SHMT1: variants seen among roughly 807,000 people sequenced by gnomAD.
SHMT1 encodes the protein serine hydroxymethyltransferase, cytosolic.
Under a neutral mutation model 49.0 loss-of-function variants are expected in SHMT1, and 45 were observed. That is an observed-to-expected ratio of 0.92 (90% CI 0.72 to 1.18). SHMT1 has a LOEUF of 1.18. Ranked by LOEUF, SHMT1 falls within the 50% of genes most tolerant of loss-of-function variation. The pLI is 0.00. For synonymous variants in SHMT1, 232 were observed against 246.6 expected, an observed-to-expected ratio of 0.94 and a Z score of 0.55; for missense variants, 541 against 612.4, an observed-to-expected ratio of 0.88 and a Z score of 1.23.
chr17:18,339,479 C>T (rs1197651054), intron 7 of SHMT1, among the ~76,000 whole-genome samples: 1 of 152,178 alleles, frequency 6.6e-6, no homozygotes, highest in Non-Finnish European at 1.5e-5. Flanking sequence ...GCTGATCCCC[C>T]TCCTATGTTC....
At chr17:18,350,863 G>T (rs1349723172) in intron 3 of SHMT1, among the ~76,000 whole-genome samples, 1 of 151,332 alleles carries the variant, frequency 6.6e-6, no homozygotes, top group African/African-American at 2.4e-5. Context: ...CTCCAGAGTA[G>T]CTGGGATTAC....
At chr17:18,335,412 C>A in intron 8 of SHMT1, 147 bp downstream of exon 8, 1 of 694,480 alleles carries the variant, frequency 1.4e-6, no homozygotes, top group Non-Finnish European at 2.6e-6. Context: ...CCAGTCTCAA[C>A]CATGCCCTAC....
intron 4 of SHMT1, 70 bp from the exon 5 acceptor site, chr17:18,347,726 G>C: frequency 6.4e-7 from 1 of 1,571,152 alleles, no homozygotes; most frequent in Admixed American, 1.7e-5. Context: ...CGGGACCTTG[G>C]CCACTAAGCC....
chr17:18,350,717 G>A (rs1439055674), intron 3 of SHMT1, among the ~76,000 whole-genome samples: 1 of 151,218 alleles, frequency 6.6e-6, no homozygotes, highest in East Asian at 1.9e-4. Flanking sequence ...AGTCATTAAC[G>A]TTAGGTCAAC....
At chr17:18,361,785 CAAAAA>C (rs754941626) in intron 1 of SHMT1, among the ~76,000 whole-genome samples, 1 of 86,526 alleles carries the variant, frequency 1.2e-5, no homozygotes, top group Non-Finnish European at 2.4e-5. Context: ...GACTCCGTCT[CAAAAA>C]AAAAAAAAAA....
chr17:18,335,761 G>A (rs554946227), intron 7 of SHMT1, 86 bp from the exon 8 acceptor site: 23 of 954,256 alleles, frequency 2.4e-5, no homozygotes, highest in South Asian at 2.2e-4. Flanking sequence ...GGCCAGGGAA[G>A]AATCAAGCAC....
At chr17:18,352,209 G>A (rs1598056844) in intron 3 of SHMT1, among the ~76,000 whole-genome samples, 1 of 148,606 alleles carries the variant, frequency 6.7e-6, no homozygotes, top group African/African-American at 2.5e-5. Flanking sequence ...GCAGTGGCGC[G>A]ATCTCGGCTC....
chr17:18,346,150 AC>A (rs1985060635), intron 5 of SHMT1, among the ~76,000 whole-genome samples: 1 of 152,218 alleles, frequency 6.6e-6, no homozygotes, highest in Non-Finnish European at 1.5e-5. Context: ...AAGGCTGAGT[AC>A]ACACAGAACC....
intron 3 of SHMT1, among the ~76,000 whole-genome samples, chr17:18,352,375 T>G (rs1278233119): frequency 6.6e-6 from 1 of 152,092 alleles, no homozygotes; most frequent in African/African-American, 2.4e-5. Context: ...CTCGATCTCC[T>G]GACCTCGTGA....
In SHMT1 at chr17:18,330,683, G is replaced by A. The variant is rs1567767675; in HGVS notation, c.1055-12C>T. On this transcript the variant is annotated splice_polypyrimidine_tract_variant and intron_variant, in intron 9 of 11. Transcript: ENST00000316694. Reference sequence around the variant, plus strand: ...GTTGTCAGAACCACCTGGAAACAAAGTTGGACATGTAGAAATGCAGGCGAA... The same window carrying A: ...GTTGTCAGAACCACCTGGAAACAAAATTGGACATGTAGAAATGCAGGCGAA... 2 of 1,582,228 alleles carry A rather than the reference G, an allele frequency of 1.3e-6. No homozygotes were observed. The highest frequency in any genetic ancestry group is 2.7e-5 in the African/African-American group (2 of 74,338).
rs1017904216 is a variant in SHMT1 at position 18,340,939 on chromosome 17, G to A, written c.520-126C>T. On this transcript the variant is annotated intron_variant, in intron 5 of 11. Transcript: ENST00000316694. The surrounding 1 kb of genome is among the most constrained non-coding windows in gnomAD (Gnocchi z 4.5). ...TGATGTCCTAGATGAGGACTTGAGG[G>A]TGAGACAGGATGGATACTGGTGTGT... 6 of 743,434 alleles carry A rather than the reference G, an allele frequency of 8.1e-6. No individual in the cohort carries two copies. In the East Asian group the frequency reaches 1.1e-4, roughly 13 times the overall value. The allele number at this position is 743,434 out of a possible 1,614,324, so 46.1% of individuals were successfully genotyped here. A position where few individuals can be genotyped will look rare whatever the true frequency, so the allele number is the denominator to read the frequency against.
chr17:18,347,075 T>C (rs1476260071), intron 5 of SHMT1, among the ~76,000 whole-genome samples: 1 of 152,204 alleles, frequency 6.6e-6, no homozygotes, highest in Admixed American at 6.5e-5. Flanking sequence ...GCCATGCCTG[T>C]AGCTACTGCA....
intron 2 of SHMT1, 125 bp from the exon 3 acceptor site, chr17:18,353,942 C>A: frequency 1.1e-6 from 1 of 889,708 alleles, no homozygotes. Context: ...ATGAATCCTC[C>A]TCAAAGGTTT....
At chr17:18,353,896 A>G (rs767671472) in intron 2 of SHMT1, 79 bp from the exon 3 acceptor site, 12 of 1,219,732 alleles carry the variant, frequency 9.8e-6, no homozygotes, top group Non-Finnish European at 1.5e-5. Flanking sequence ...ACAACCTCCT[A>G]AAGAGAAAAG....
At position 18,328,764 on chromosome 17, in the gene SHMT1, G is replaced by A. The variant is rs959468522; in HGVS notation, c.1438C>T (p.Leu480=). The change falls in exon 12 of 12, where the codon CTG becomes TTG. Residue 480 remains leucine, a synonymous_variant. Transcript: ENST00000316694. ...GGCCCGCTCCTTTAGAAGTCAGGCA[G>A]GCCAGGCAGAGGGAAGAGAGAGGCG... The part of the protein sequence containing the change: ...SFASLFPLPG[L]PDF 6.3e-7 allele frequency: 1 copy of A among 1,582,330 alleles called. No homozygotes were observed. The highest frequency in any genetic ancestry group is 8.6e-7 in the Non-Finnish European group (1 of 1,163,072).
intron 3 of SHMT1, among the ~76,000 whole-genome samples, chr17:18,352,548 A>G (rs569852548): frequency 2.6e-4 from 39 of 152,028 alleles, no homozygotes; most frequent in Non-Finnish European, 3.2e-4. Context: ...GACCGGGTGC[A>G]GTGGCTCACA....
Position 18,333,222 on chromosome 17 carries a change from G to GTGTTATCA in SHMT1, c.997_998insTGATAACA (p.Ala333ValfsTer13). The GTGTTATCA allele has an allele frequency of 6.2e-7, 1 of 1,613,918 alleles. No homozygotes were observed. Among genetic ancestry groups the GTGTTATCA allele is most frequent in the Non-Finnish European group, 8.5e-7 (1 of 1,179,922 alleles). On this transcript the variant is annotated frameshift_variant, in exon 9 of 12. Transcript: ENST00000316694. LOFTEE classifies it high-confidence loss of function. ...GGCCTCAGACAGAGCCCTGCAGTTG[G>GTGTTATCA]CCACCACCTGGTGTTGATAAACTTT...
At chr17:18,333,129 C>T (rs929715014) in intron 9 of SHMT1, 37 bp downstream of exon 9, 4 of 1,613,020 alleles carry the variant, frequency 2.5e-6, no homozygotes, top group Admixed American at 1.7e-5. Flanking sequence ...AATACAACCA[C>T]AAGAACAGGC....
intron 3 of SHMT1, among the ~76,000 whole-genome samples, chr17:18,352,312 A>C (rs1327302198): frequency 6.6e-6 from 1 of 151,844 alleles, no homozygotes; most frequent in African/African-American, 2.4e-5. Flanking sequence ...TTGCCAGGCT[A>C]ATTTTTTGTA....
Sources: gnomAD v4.1 joint callset for allele counts (sites outside exome capture counted in the v4.1 genomes callset) on GRCh38, gnomAD v4.1.1 for gene constraint, Gnocchi (gnomAD v3.1) non-coding constraint, MANE v1.5 for transcripts, NCBI Gene and HGNC (gene_info 2026-07-23, HGNC 2026-07-21) for gene names.